Variants in RHBDD1 observed in about 807,000 individuals in gnomAD.
RHBDD1 encodes the protein rhomboid domain containing 1, also known as rhomboid-related protein 4.
A neutral mutation model predicts 36.3 loss-of-function variants in RHBDD1; 38 were observed. The ratio of observed to expected loss-of-function variants is 1.05; its 90% CI spans 0.81 to 1.37. The LOEUF is 1.37. RHBDD1 is among the 40% of genes most tolerant of loss of function. The pLI, the probability that RHBDD1 is intolerant of heterozygous loss-of-function variation, is 0.00. For missense variants in RHBDD1, 393 were observed against 377.6 expected (o/e 1.04, Z -0.34); for synonymous variants, 151 against 136.5 (o/e 1.11, Z -0.74).
chr2:226,846,785 A>G (rs956722563), intron 3 of RHBDD1, among the ~76,000 whole-genome samples: 1 of 151,936 alleles, frequency 6.6e-6, no homozygotes, highest in Non-Finnish European at 1.5e-5. Context: ...AGAGTAAAAC[A>G]TGGAGAACAT....
In RHBDD1 at chr2:226,914,193, T is replaced by A; in HGVS notation, c.713-15T>A. On this transcript the variant is annotated splice_polypyrimidine_tract_variant and intron_variant, in intron 7 of 8. Transcript: ENST00000392062. ...TCCATAGCTGTGTTCTAGAACCTTT[T>A]CCTTGTGCCTTTAGGCAGCTCTGGA... 6.2e-7 allele frequency: 1 copy of A among 1,612,906 alleles called. No individual in the cohort carries two copies. Among genetic ancestry groups the A allele is most frequent in the Non-Finnish European group, 8.5e-7 (1 of 1,179,316 alleles).
the RHBDD1 span, among the ~76,000 whole-genome samples, chr2:226,808,025 A>G: frequency 6.6e-6 from 1 of 151,678 alleles, no homozygotes; most frequent in African/African-American, 2.4e-5. Flanking sequence ...AAAAAAAAAA[A>G]GAGACACTCT....
intron 7 of RHBDD1, among the ~76,000 whole-genome samples, chr2:226,911,234 T>G (rs1015536673): frequency 6.6e-6 from 1 of 152,126 alleles, no homozygotes; most frequent in African/African-American, 2.4e-5. Context: ...TGAGCATTTT[T>G]GGGGGTGGAT....
the RHBDD1 span, among the ~76,000 whole-genome samples, chr2:226,820,572 C>T: frequency 7.1e-6 from 1 of 139,996 alleles, no homozygotes; most frequent in South Asian, 2.3e-4. Context: ...CTTTGGGAGG[C>T]TATGGCGGAA....
In RHBDD1 at chr2:226,906,862, A is replaced by G; in HGVS notation, c.636A>G (p.Lys212=). The G allele has an allele frequency of 2.5e-6, 4 of 1,614,174 alleles. No individual in the cohort carries two copies. Among genetic ancestry groups the G allele is most frequent in the Non-Finnish European group, 3.4e-6 (4 of 1,179,990 alleles). The change falls in exon 6 of 9, where the codon AAA becomes AAG. Residue 212 remains lysine (K), a synonymous_variant. Transcript: ENST00000392062. ...TGTACACTCAAGGGCCTCTGAAGAA[A>G]ATCATGGAAGCATGTGCAGGTACAG... is the stretch of plus-strand genomic sequence containing the variant. ...GLMYTQGPLK[K]IMEACAGGFS...
chr2:226,814,370 T>A, the RHBDD1 span, among the ~76,000 whole-genome samples: 1 of 152,128 alleles, frequency 6.6e-6, no homozygotes, highest in Admixed American at 6.5e-5. Flanking sequence ...GGTACTCAAT[T>A]AAAGAATAGA....
At chr2:226,842,594 G>A (rs1374791399) in intron 3 of RHBDD1, among the ~76,000 whole-genome samples, 2 of 152,138 alleles carry the variant, frequency 1.3e-5, no homozygotes, top group Admixed American at 1.3e-4. Context: ...TCAAGTTGTT[G>A]TAGTTGTGTG....
chr2:226,852,698 AACAATATCTAACTC>A (rs1392536205), intron 3 of RHBDD1, among the ~76,000 whole-genome samples: 1 of 152,108 alleles, frequency 6.6e-6, no homozygotes, highest in African/African-American at 2.4e-5. Context: ...AATTGCCAGA[AACAATATCTAACTC>A]AAAATTTATT....
chr2:226,977,171 A>G, intron 8 of RHBDD1, among the ~76,000 whole-genome samples: 1 of 152,238 alleles, frequency 6.6e-6, no homozygotes. Context: ...AGAGAAGTCA[A>G]GGAGCATCAT....
intron 8 of RHBDD1, among the ~76,000 whole-genome samples, chr2:226,933,481 G>A (rs900013728): frequency 6.6e-6 from 1 of 152,092 alleles, no homozygotes; most frequent in African/African-American, 2.4e-5. Context: ...GGGATTCTGG[G>A]TTCCCTTGCT....
At chr2:226,836,158 G>T in intron 1 of RHBDD1, 71 bp downstream of exon 1, 1 of 153,616 alleles carries the variant, frequency 6.5e-6, no homozygotes, top group South Asian at 2.0e-4. Context: ...CGTTTCCCCG[G>T]GCTGCGGGAG....
intron 7 of RHBDD1, among the ~76,000 whole-genome samples, chr2:226,913,780 G>A (rs1332517499): frequency 1.3e-5 from 2 of 152,106 alleles, no homozygotes; most frequent in Admixed American, 6.6e-5. Context: ...TGAAACATTG[G>A]TCTGCCCCTT....
intron 8 of RHBDD1, among the ~76,000 whole-genome samples, chr2:226,972,461 A>G (rs1396246882): frequency 1.3e-5 from 2 of 152,106 alleles, no homozygotes; most frequent in Non-Finnish European, 2.9e-5. Flanking sequence ...CCCTGGAAAA[A>G]GGGGTCTGCC....
chr2:226,971,044 C>T (rs1345567878), intron 8 of RHBDD1, among the ~76,000 whole-genome samples: 1 of 152,182 alleles, frequency 6.6e-6, no homozygotes, highest in Non-Finnish European at 1.5e-5. Flanking sequence ...TTCGTAGACA[C>T]TTAATTAAAT....
chr2:226,947,522 G>A (rs914603670), intron 8 of RHBDD1, among the ~76,000 whole-genome samples: 13 of 152,056 alleles, frequency 8.5e-5, no homozygotes, highest in African/African-American at 2.7e-4. Flanking sequence ...AGTATAGTTT[G>A]AAGTCAGGTA....
chr2:226,906,589 G>A, intron 5 of RHBDD1: 1 of 1,142,968 alleles, frequency 8.7e-7, no homozygotes, highest in Non-Finnish European at 1.2e-6. Context: ...TTAAACATGT[G>A]GTGGTTGTTA....
the RHBDD1 span, among the ~76,000 whole-genome samples, chr2:226,809,696 C>A: frequency 6.6e-6 from 1 of 151,982 alleles, no homozygotes; most frequent in Non-Finnish European, 1.5e-5. Flanking sequence ...ATTTTTAAAC[C>A]AAATATTTTA....
chr2:226,802,786 G>A, the RHBDD1 span, among the ~76,000 whole-genome samples: 3 of 152,200 alleles, frequency 2.0e-5, no homozygotes, highest in Non-Finnish European at 4.4e-5. Flanking sequence ...TCACAACATT[G>A]CAACAGCTAC....
the RHBDD1 span, among the ~76,000 whole-genome samples, chr2:226,812,408 C>T: frequency 1.3e-5 from 2 of 152,204 alleles, no homozygotes; most frequent in African/African-American, 4.8e-5. Context: ...ATAAATTCTA[C>T]AGTAGTAATC....
Sources: allele counts gnomAD v4.1 joint callset (sites outside exome capture counted in the v4.1 genomes callset), GRCh38; gene constraint gnomAD v4.1.1; transcripts MANE v1.5; gene names NCBI Gene and HGNC (gene_info 2026-07-23, HGNC 2026-07-21).